Variants in FRMD6 observed in about 807,000 individuals in gnomAD.
FRMD6 encodes FERM domain containing 6, also known as FERM domain-containing protein 6.
FRMD6 carries 37 observed loss-of-function variants against 73.2 expected under a neutral mutation model. The ratio of observed to expected loss-of-function variants is 0.51; its 90% confidence interval spans 0.39 to 0.66. The LOEUF (loss-of-function observed/expected upper bound fraction) is 0.66, where lower values mean the gene tolerates loss of function less well. FRMD6 is among the 30% of genes least tolerant of loss of function. FRMD6 has a pLI of 0.00. For synonymous variants in FRMD6, 273 were observed against 282.2 expected (o/e 0.97, Z 0.33); for missense variants, 714 against 780.5 (o/e 0.91, Z 1.02).
intron 12 of FRMD6, among the ~76,000 whole-genome samples, chr14:51,723,890 A>G (rs1897787139): frequency 6.6e-6 from 1 of 152,222 alleles, no homozygotes; most frequent in Non-Finnish European, 1.5e-5. Flanking sequence ...AGGATAGTTA[A>G]GGTAAATAGT....
chr14:51,702,628 C>G, intron 5 of FRMD6, 40 bp downstream of exon 5: 1 of 1,492,238 alleles, frequency 6.7e-7, no homozygotes, highest in African/African-American at 1.4e-5. Context: ...TTTTTTTTCC[C>G]CCATAGCACT....
At chr14:51,716,073 C>T (rs1897224930) in intron 10 of FRMD6, among the ~76,000 whole-genome samples, 1 of 152,152 alleles carries the variant, frequency 6.6e-6, no homozygotes, top group Non-Finnish European at 1.5e-5. Flanking sequence ...TGCTGAGATG[C>T]AGATGAAATA....
chr14:51,492,169 G>A (rs1171028550), intron 1 of FRMD6, among the ~76,000 whole-genome samples: 3 of 152,078 alleles, frequency 2.0e-5, no homozygotes, highest in Non-Finnish European at 4.4e-5. Flanking sequence ...TCCTTTCCTT[G>A]AGTTTCAGCT....
chr14:51,532,686 C>A (rs1885658709), intron 1 of FRMD6, among the ~76,000 whole-genome samples: 1 of 152,164 alleles, frequency 6.6e-6, no homozygotes, highest in African/African-American at 2.4e-5. Context: ...GACGTCCTTC[C>A]TATATAAACA....
intron 1 of FRMD6, among the ~76,000 whole-genome samples, chr14:51,661,576 A>G (rs1893222331): frequency 6.6e-6 from 1 of 152,180 alleles, no homozygotes; most frequent in Non-Finnish European, 1.5e-5. Flanking sequence ...AGGAGCAAGC[A>G]GAGGATAGGA....
Position 51,715,387 on chromosome 14 carries a change from G to C in FRMD6, c.912G>C (p.Thr304=), listed in dbSNP as rs1477023384. The change falls in exon 10 of 14, where the codon ACG becomes ACC. Residue 304 remains threonine (T), a synonymous_variant. Transcript: ENST00000344768. ...LPSARKLIYY[T]GCPMRSRHLL... ...CTGCCCGGAAGCTCATATACTACACGGGGTGCCCCATGCGCTCCAGACACC... is the reference window on the plus strand; with the variant it reads ...CTGCCCGGAAGCTCATATACTACACCGGGTGCCCCATGCGCTCCAGACACC... 6.2e-7 allele frequency: 1 copy of C among 1,613,338 alleles called. No individual in the cohort carries two copies. The highest frequency in any genetic ancestry group is 1.3e-5 in the African/African-American group (1 of 74,910).
At chr14:51,491,070 T>G (rs1882975542) in intron 1 of FRMD6, among the ~76,000 whole-genome samples, 1 of 152,088 alleles carries the variant, frequency 6.6e-6, no homozygotes, top group South Asian at 2.1e-4. Context: ...GGGAGTGGGG[T>G]GGGTGGAGCC....
At chr14:51,625,205 A>G (rs965003731) in intron 2 of FRMD6, among the ~76,000 whole-genome samples, 1 of 152,172 alleles carries the variant, frequency 6.6e-6, no homozygotes, top group South Asian at 2.1e-4. Context: ...AATACTTGGC[A>G]TATTACTTCC....
chr14:51,567,887 A>G (rs78744952), intron 1 of FRMD6, among the ~76,000 whole-genome samples: 4,492 of 152,326 alleles, frequency 0.029, 215 homozygotes, highest in African/African-American at 0.1. Context: ...TCAAAGCTCA[A>G]TAAATGTTTG....
chr14:51,432,675 A>G, the FRMD6 span, among the ~76,000 whole-genome samples: 1 of 152,216 alleles, frequency 6.6e-6, no homozygotes, highest in Non-Finnish European at 1.5e-5. Flanking sequence ...AAATAACCGT[A>G]ACCCTGAATA....
chr14:51,417,963 T>C, the FRMD6 span, among the ~76,000 whole-genome samples: 2 of 152,230 alleles, frequency 1.3e-5, no homozygotes, highest in African/African-American at 4.8e-5. Flanking sequence ...AGCTTGTGCA[T>C]GTGTCATGTA....
At chr14:51,645,308 A>G (rs756364889) in intron 2 of FRMD6, among the ~76,000 whole-genome samples, 7 of 152,228 alleles carry the variant, frequency 4.6e-5, no homozygotes, top group Non-Finnish European at 8.8e-5. Context: ...TAGCTAGCAC[A>G]TCAGCATCTT....
chr14:51,616,510 C>T (rs1186519776), intron 2 of FRMD6, among the ~76,000 whole-genome samples: 1 of 152,168 alleles, frequency 6.6e-6, no homozygotes, highest in African/African-American at 2.4e-5. Flanking sequence ...TCAGGTGAAT[C>T]ATAAATGTCT....
intron 1 of FRMD6, among the ~76,000 whole-genome samples, chr14:51,658,750 A>G (rs956270302): frequency 6.6e-6 from 1 of 152,214 alleles, no homozygotes; most frequent in Non-Finnish European, 1.5e-5. Flanking sequence ...CAGATAAAAC[A>G]AAGTGCTTGC....
At chr14:51,656,840 T>C (rs1040845468) in intron 1 of FRMD6, among the ~76,000 whole-genome samples, 9 of 152,190 alleles carry the variant, frequency 5.9e-5, no homozygotes, top group African/African-American at 1.9e-4. Context: ...GTGCTGATAA[T>C]TGGGATAATT....
chr14:51,622,623 A>AC (rs1320142576), intron 2 of FRMD6, among the ~76,000 whole-genome samples: 1 of 152,006 alleles, frequency 6.6e-6, no homozygotes, highest in African/African-American at 2.4e-5. Context: ...TCCCTAACCA[A>AC]CCCCCAACAC....
chr14:51,499,065 A>C (rs1266376092), intron 1 of FRMD6, among the ~76,000 whole-genome samples: 10 of 152,220 alleles, frequency 6.6e-5, no homozygotes, highest in African/African-American at 1.7e-4. Context: ...GTTTCCTGGC[A>C]GAGGTGTGAC....
At chr14:51,649,184 T>A (rs943261899), upstream of FRMD6, among the ~76,000 whole-genome samples, 6 of 152,208 alleles carry the variant, frequency 3.9e-5, no homozygotes, top group African/African-American at 1.4e-4. Flanking sequence ...AATTTGATGA[T>A]GTTACAGGAG....
the FRMD6 span, among the ~76,000 whole-genome samples, chr14:51,456,677 T>C: frequency 6.6e-6 from 1 of 151,164 alleles, no homozygotes; most frequent in Non-Finnish European, 1.5e-5. Flanking sequence ...CTGAAATCAG[T>C]ATATTGAAGA....
Sources: allele counts gnomAD v4.1 joint callset (sites outside exome capture counted in the v4.1 genomes callset), GRCh38; gene constraint gnomAD v4.1.1; transcripts MANE v1.5; gene names NCBI Gene and HGNC (gene_info 2026-07-23, HGNC 2026-07-21).